YWHAG: variants seen among roughly 807,000 people sequenced by gnomAD.
YWHAG encodes the protein 14-3-3 protein gamma.
In YWHAG, 1 loss-of-function variant was observed where a neutral mutation model predicts 23.3. That is an observed-to-expected ratio of 0.04 (90% CI 0.02 to 0.20). The LOEUF is 0.20. YWHAG is among the 10% of genes least tolerant of loss of function. The pLI, the probability that YWHAG is intolerant of heterozygous loss-of-function variation, is 1.00. For synonymous variants in YWHAG, 160 were observed against 144.0 expected, an observed-to-expected ratio of 1.11 and a Z score of -0.80; for missense variants, 151 against 338.6, an observed-to-expected ratio of 0.45 and a Z score of 4.35.
Position 76,328,249 on chromosome 7 carries a change from A to C in YWHAG, c.*1328T>G. ...GTGCACTGGCTGCGTGAGACAAGCCAATCTCCAATTCCTATGCTTTTTTCA... is the reference window on the plus strand; with the variant it reads ...GTGCACTGGCTGCGTGAGACAAGCCCATCTCCAATTCCTATGCTTTTTTCA... On this transcript the variant is annotated 3_prime_UTR_variant, in exon 2 of 2. Transcript: ENST00000307630. The C allele has an allele frequency of 6.6e-6, 1 of 152,188 alleles. No individual in the cohort carries two copies. The highest frequency in any genetic ancestry group is 1.9e-4 in the East Asian group (1 of 5,194). The allele number at this position is 152,188 out of a possible 1,614,324, so 9.4% of individuals were successfully genotyped here.
intron 1 of YWHAG, among the ~76,000 whole-genome samples, chr7:76,355,608 T>C (rs1041300355): frequency 2.0e-5 from 3 of 152,056 alleles, no homozygotes; most frequent in African/African-American, 7.2e-5. Flanking sequence ...TTAGTGATAA[T>C]AGCTATTGAT....
intron 1 of YWHAG, among the ~76,000 whole-genome samples, chr7:76,342,253 C>A (rs1323424174): frequency 6.6e-6 from 1 of 152,200 alleles, no homozygotes; most frequent in East Asian, 1.9e-4. Flanking sequence ...CCATGGGTAT[C>A]TGTCATTATG....
At chr7:76,344,179 C>T (rs887378760) in intron 1 of YWHAG, among the ~76,000 whole-genome samples, 2 of 151,892 alleles carry the variant, frequency 1.3e-5, no homozygotes, top group Admixed American at 6.6e-5. Context: ...GGTGCGATAT[C>T]GGCTCACTGC....
chr7:76,348,631 C>T, intron 1 of YWHAG, among the ~76,000 whole-genome samples: 1 of 152,034 alleles, frequency 6.6e-6, no homozygotes, highest in Non-Finnish European at 1.5e-5. Flanking sequence ...GTCTTGATCT[C>T]CTAACCTCGT....
rs1450212855 is a variant in YWHAG, at chr7:76,327,292, A to G, written c.*2285T>C. On this transcript the variant is annotated 3_prime_UTR_variant, in exon 2 of 2. Coordinates refer to ENST00000307630, the MANE Select transcript of YWHAG (RefSeq NM_012479.4). The stretch of plus-strand genomic sequence containing the variant: ...TGTCATAGGAATACATAACACCTAC[A>G]GTATAAGTTAATCAATTTCAAGCTA... The G allele has an allele frequency of 6.6e-6, 1 of 152,194 alleles. No homozygotes were observed. The highest frequency in any genetic ancestry group is 1.9e-4 in the East Asian group (1 of 5,204). The allele number at this position is 152,194 out of a possible 1,614,324, so 9.4% of individuals were successfully genotyped here.
chr7:76,338,177 C>G (rs945407071), intron 1 of YWHAG, among the ~76,000 whole-genome samples: 1 of 152,144 alleles, frequency 6.6e-6, no homozygotes, highest in African/African-American at 2.4e-5. Context: ...ATTGGAGTAT[C>G]AGTCACAGAG....
chr7:76,327,012 T>G lies in YWHAG; in HGVS notation c.*2565A>C, dbSNP rs1424768434. The G allele has an allele frequency of 1.3e-5, 2 of 152,626 alleles. No homozygotes were observed. Among genetic ancestry groups the G allele is most frequent in the Non-Finnish European group, 2.9e-5 (2 of 68,030 alleles). 9.5% of individuals were successfully genotyped at this position (152,626 alleles called of 1,614,324 possible). On this transcript the variant is annotated 3_prime_UTR_variant, in exon 2 of 2. Coordinates refer to ENST00000307630, the MANE Select transcript of YWHAG (RefSeq NM_012479.4). The stretch of plus-strand genomic sequence containing the variant: ...CACAAAGGCTCATTCAGAGAACATA[T>G]TTGTTGTTCTCCAACACTGTAATAG...
chr7:76,341,113 C>A (rs888021796), intron 1 of YWHAG, among the ~76,000 whole-genome samples: 2 of 152,168 alleles, frequency 1.3e-5, no homozygotes, highest in Non-Finnish European at 2.9e-5. Context: ...TGTACAGGGG[C>A]TGGGAGGGTT....
chr7:76,327,689 C>CCCCCCCCCCCCCCCCCCCCCCCCA lies in YWHAG; in HGVS notation c.*1887_*1888insTGGGGGGGGGGGGGGGGGGGGGGG, dbSNP rs1803468773. 9.1e-6 allele frequency: 1 copy of CCCCCCCCCCCCCCCCCCCCCCCCA among 110,178 alleles called. No homozygotes were observed. Among genetic ancestry groups the CCCCCCCCCCCCCCCCCCCCCCCCA allele is most frequent in the African/African-American group, 4.0e-5 (1 of 25,206 alleles). 6.8% of individuals were successfully genotyped at this position (110,178 alleles called of 1,614,324 possible). On this transcript the variant is annotated 3_prime_UTR_variant, in exon 2 of 2. Coordinates refer to ENST00000307630, the MANE Select transcript of YWHAG (RefSeq NM_012479.4). ...CCCTGCCCCCCCCCCCCTCCCCCCC[C>CCCCCCCCCCCCCCCCCCCCCCCCA]AAATCGTCTTCCTCCCATGGCAATG...
At chr7:76,355,635 G>C (rs182353013) in intron 1 of YWHAG, among the ~76,000 whole-genome samples, 96 of 152,168 alleles carry the variant, frequency 6.3e-4, no homozygotes, top group Admixed American at 1.0e-3. Flanking sequence ...GAAGAGCCTG[G>C]GGGGGAGGGG....
At chr7:76,339,887 G>A (rs900710589) in intron 1 of YWHAG, among the ~76,000 whole-genome samples, 9 of 152,020 alleles carry the variant, frequency 5.9e-5, no homozygotes, top group African/African-American at 1.9e-4. Context: ...TCAGGAGTTC[G>A]AGACCAGGCT....
chr7:76,341,184 G>A lies in YWHAG; in HGVS notation c.88-10951C>T, dbSNP rs538511919. ...GAAGCTGGCAGATCACTTGAGGTCAGGAGTTTGAGACCAGCCTGGGCAACA... is the reference window on the plus strand; with the variant it reads ...GAAGCTGGCAGATCACTTGAGGTCAAGAGTTTGAGACCAGCCTGGGCAACA... On this transcript the variant is annotated intron_variant, in intron 1 of 1. Transcript: ENST00000307630. 3.3e-5 allele frequency among the ~76,000 whole-genome samples: 5 copies of A among 152,248 alleles called. No homozygotes were observed. The East Asian group carries it at 9.7e-4, about 29-fold the overall frequency.
intron 1 of YWHAG, among the ~76,000 whole-genome samples, chr7:76,345,421 C>G (rs945505001): frequency 6.6e-6 from 1 of 151,758 alleles, no homozygotes; most frequent in Non-Finnish European, 1.5e-5. Flanking sequence ...CTCCTGACCT[C>G]GTGATCCACC....
rs1190256396 is a variant in YWHAG, at chr7:76,327,673, CCCCCCCCT to C, written c.*1896_*1903del. ...GGGAAAGCCCCACCTACCCTGCCCC[CCCCCCCCT>C]CCCCCCCCAAATCGTCTTCCTCCCA... On this transcript the variant is annotated 3_prime_UTR_variant, in exon 2 of 2. Transcript: ENST00000307630. The C allele has an allele frequency of 4.3e-5, 4 of 93,382 alleles. 1 individual carries two copies. The highest frequency in any genetic ancestry group is 8.8e-5 in the Non-Finnish European group (4 of 45,368). 5.8% of individuals were successfully genotyped at this position (93,382 alleles called of 1,614,324 possible). A position where few individuals can be genotyped will look rare whatever the true frequency, so the allele number is the denominator to read the frequency against.
intron 1 of YWHAG, among the ~76,000 whole-genome samples, chr7:76,332,880 T>A (rs1803565603): frequency 6.6e-6 from 1 of 152,158 alleles, no homozygotes; most frequent in African/African-American, 2.4e-5. Context: ...GTTTTTGTAT[T>A]TTTAGTAGAG....
chr7:76,348,273 T>G (rs1016613933), intron 1 of YWHAG, among the ~76,000 whole-genome samples: 30 of 151,476 alleles, frequency 2.0e-4, no homozygotes, highest in Admixed American at 5.3e-4. Context: ...TCGTTTTTTT[T>G]TTTTTTTTTT....
chr7:76,345,361 AT>A (rs1357712514), intron 1 of YWHAG, among the ~76,000 whole-genome samples: 1 of 151,432 alleles, frequency 6.6e-6, no homozygotes, highest in East Asian at 2.0e-4. Context: ...AATTTTTTGT[AT>A]TTTTTAGTAG....
rs1224824021 is a variant in YWHAG at position 76,329,896 on chromosome 7, T to C, written c.425A>G (p.Lys142Arg). The C allele has an allele frequency of 2.5e-6, 4 of 1,614,056 alleles. No individual in the cohort carries two copies. Among genetic ancestry groups the C allele is most frequent in the Non-Finnish European group, 1.7e-6 (2 of 1,180,000 alleles). ...GGAGGACTCCACCACCGTCGCCCTT[T>C]TCTCTCCGGTGGCCACTTCAGCCAG... is the stretch of plus-strand genomic sequence containing the variant. The part of the protein sequence containing the change: ...RYLAEVATGE[K>R]RATVVESSEK... Residue 142 changes from lysine (K) to arginine (R), a missense_variant, in exon 2 of 2, where the codon AAA becomes AGA. By Grantham distance (26) the Lys-to-Arg change is conservative (BLOSUM62 2). Coordinates refer to ENST00000307630, the MANE Select transcript of YWHAG (RefSeq NM_012479.4). This position sits in a 1 kb window ranked among gnomAD's most constrained non-coding sequence, Gnocchi z 6.1.
Position 76,358,970 on chromosome 7 carries a change from G to C in YWHAG, c.-162C>G. On this transcript the variant is annotated 5_prime_UTR_variant, in exon 1 of 2. Coordinates refer to ENST00000307630, the MANE Select transcript of YWHAG (RefSeq NM_012479.4). The stretch of plus-strand genomic sequence containing the variant: ...GGAGGCGGCTGGAGCTGCGACCGCG[G>C]GACCGGGCGCGAGGCGGCTGCGGCT... The C allele has an allele frequency of 1.7e-6, 1 of 571,548 alleles. No homozygotes were observed. The highest frequency in any genetic ancestry group is 2.8e-6 in the Non-Finnish European group (1 of 362,026). The allele number at this position is 571,548 out of a possible 1,614,324, so 35.4% of individuals were successfully genotyped here. A position where few individuals can be genotyped will look rare whatever the true frequency, so the allele number is the denominator to read the frequency against.
Sources: allele counts gnomAD v4.1 joint callset (sites outside exome capture counted in the v4.1 genomes callset), GRCh38; gene constraint gnomAD v4.1.1; non-coding constraint Gnocchi (gnomAD v3.1); transcripts MANE v1.5; gene names NCBI Gene and HGNC (gene_info 2026-07-23, HGNC 2026-07-21).